TCF4: variants seen among roughly 807,000 people sequenced by gnomAD.
The protein encoded by TCF4 is SL3-3 enhancer factor 2.
In TCF4, 3 loss-of-function variants were observed where a neutral mutation model predicts 82.1. The ratio of observed to expected loss-of-function variants is 0.04; its 90% CI spans 0.02 to 0.09. TCF4 has a LOEUF of 0.09. TCF4 is among the 10% of genes least tolerant of loss of function. TCF4 has a pLI of 1.00. For missense variants in TCF4, 518 were observed against 852.7 expected (o/e 0.61, Z 4.89); for synonymous variants, 276 against 309.6 (o/e 0.89, Z 1.14).
At chr18:55,286,098 A>G (rs546842564) in intron 8 of TCF4, among the ~76,000 whole-genome samples, 5 of 152,336 alleles carry the variant, frequency 3.3e-5, no homozygotes, top group South Asian at 2.1e-4. Context: ...TTAATCCGCA[A>G]TTTAGTCCTT....
intron 8 of TCF4, among the ~76,000 whole-genome samples, chr18:55,340,382 G>A (rs1266243847): frequency 6.6e-6 from 1 of 151,810 alleles, no homozygotes; most frequent in Non-Finnish European, 1.5e-5. Context: ...TGGGTTTGCA[G>A]AGCCTGGGAA....
chr18:55,465,181 G>T (rs2095985145), intron 3 of TCF4, among the ~76,000 whole-genome samples: 2 of 152,212 alleles, frequency 1.3e-5, no homozygotes, highest in African/African-American at 4.8e-5. Flanking sequence ...TGAAACTAAG[G>T]TTCAGGAGAC....
At position 55,254,504 on chromosome 18, in the gene TCF4, G is replaced by A; in HGVS notation, c.1343C>T (p.Ser448Leu). ...GTGLLSANRH[S>L]LMVGTHREDG... ...ATAAATTTCATCACTTACCATGAGT[G>A]AATGTCTGTTGGCTGAAAGAAGGCC... The change falls in exon 15 of 20, where the codon TCA (serine) becomes TTA (leucine). Residue 448 changes from serine to leucine, a missense_variant. Around this residue, in one of 7 missense-constraint regions of TCF4, gnomAD observed 144 missense variants for 190.2 expected, o/e 0.76. Transcript: ENST00000354452. The A allele has an allele frequency of 6.2e-7, 1 of 1,613,500 alleles. No homozygotes were observed. Among genetic ancestry groups the A allele is most frequent in the South Asian group, 1.1e-5 (1 of 91,062 alleles).
At chr18:55,490,550 A>G (rs1259735564) in intron 3 of TCF4, among the ~76,000 whole-genome samples, 1 of 152,206 alleles carries the variant, frequency 6.6e-6, no homozygotes, top group Non-Finnish European at 1.5e-5. Flanking sequence ...TTTATTATCA[A>G]CAACTGCTGA....
intron 8 of TCF4, among the ~76,000 whole-genome samples, chr18:55,282,050 C>T (rs1173586988): frequency 6.6e-6 from 1 of 151,986 alleles, no homozygotes; most frequent in Non-Finnish European, 1.5e-5. Flanking sequence ...ACAATTTCTA[C>T]ATATTTTATA....
chr18:55,455,823 G>A (rs1038081739), intron 5 of TCF4, among the ~76,000 whole-genome samples: 3 of 152,136 alleles, frequency 2.0e-5, no homozygotes, highest in Non-Finnish European at 2.9e-5. Flanking sequence ...CATCTCATTC[G>A]TGCTTTGAAA....
intron 3 of TCF4, among the ~76,000 whole-genome samples, chr18:55,569,181 G>A (rs1200172494): frequency 2.0e-5 from 3 of 148,152 alleles, no homozygotes; most frequent in Admixed American, 6.8e-5. Flanking sequence ...ATTTAACAGT[G>A]TACTTAAGGT....
At chr18:55,315,034 T>G (rs2073738482) in intron 8 of TCF4, among the ~76,000 whole-genome samples, 1 of 152,078 alleles carries the variant, frequency 6.6e-6, no homozygotes, top group African/African-American at 2.4e-5. Context: ...CTCCCCACTC[T>G]CTCCCACCAA....
At chr18:55,260,254 G>C (rs1256478924) in intron 12 of TCF4, among the ~76,000 whole-genome samples, 1 of 152,196 alleles carries the variant, frequency 6.6e-6, no homozygotes, top group Non-Finnish European at 1.5e-5. Flanking sequence ...AAAGAGCCAG[G>C]CTGGGGTCAG....
At chr18:55,478,870 G>A (rs1477390907) in intron 3 of TCF4, among the ~76,000 whole-genome samples, 1 of 127,746 alleles carries the variant, frequency 7.8e-6, no homozygotes, top group African/African-American at 2.9e-5. Context: ...CAAACTTTAA[G>A]GTGAAAATTA....
chr18:55,416,602 A>G (rs1199236778), intron 5 of TCF4, among the ~76,000 whole-genome samples: 1 of 152,234 alleles, frequency 6.6e-6, no homozygotes, highest in African/African-American at 2.4e-5. Flanking sequence ...AACTTGAGAG[A>G]ACTTAATTTA....
At chr18:55,488,777 T>C (rs1372349732) in intron 3 of TCF4, among the ~76,000 whole-genome samples, 1 of 152,196 alleles carries the variant, frequency 6.6e-6, no homozygotes, top group Admixed American at 6.5e-5. Context: ...TATTGTTCTC[T>C]TTTTTCTCTG....
At chr18:55,374,148 C>T (rs531414863) in intron 6 of TCF4, among the ~76,000 whole-genome samples, 1 of 151,744 alleles carries the variant, frequency 6.6e-6, no homozygotes, top group Non-Finnish European at 1.5e-5. Flanking sequence ...CTAAGGGATG[C>T]AGCCAAAGCT....
intron 5 of TCF4, among the ~76,000 whole-genome samples, chr18:55,456,212 G>C (rs2095750659): frequency 6.6e-6 from 1 of 152,226 alleles, no homozygotes; most frequent in South Asian, 2.1e-4. Flanking sequence ...ACCCAGATGA[G>C]ATTCAAAGGT....
intron 16 of TCF4, among the ~76,000 whole-genome samples, chr18:55,233,137 T>C (rs983134489): frequency 6.6e-6 from 1 of 152,250 alleles, no homozygotes; most frequent in African/African-American, 2.4e-5. Context: ...ATTAGGCTTC[T>C]CTTATTCTCA....
chr18:55,399,849 CCCCA>C (rs1377592300), intron 6 of TCF4, among the ~76,000 whole-genome samples: 24 of 131,894 alleles, frequency 1.8e-4, no homozygotes, highest in African/African-American at 3.4e-4. Flanking sequence ...CTCTCTCTCT[CCCCA>C]TCTCTCTCTC....
chr18:55,293,822 C>CAGGATTGT (rs2065707639), intron 8 of TCF4, among the ~76,000 whole-genome samples: 1 of 147,092 alleles, frequency 6.8e-6, no homozygotes, highest in Admixed American at 6.9e-5. Flanking sequence ...TAAGTCCAAA[C>CAGGATTGT]AGGATTGTGT....
intron 5 of TCF4, among the ~76,000 whole-genome samples, chr18:55,453,299 C>A (rs1345348804): frequency 1.3e-5 from 2 of 152,200 alleles, no homozygotes; most frequent in Non-Finnish European, 2.9e-5. Context: ...CCAGCCCTGA[C>A]ATCACTGAGC....
At chr18:55,571,050 A>G (rs1603623792) in intron 3 of TCF4, among the ~76,000 whole-genome samples, 2 of 152,266 alleles carry the variant, frequency 1.3e-5, no homozygotes, top group South Asian at 2.1e-4. Context: ...CTTTCATGTA[A>G]CTCTACAAAC....
Sources: allele counts gnomAD v4.1 joint callset (sites outside exome capture counted in the v4.1 genomes callset), GRCh38; gene constraint gnomAD v4.1.1; regional missense constraint gnomAD v4.1.1; transcripts MANE v1.5; gene names NCBI Gene and HGNC (gene_info 2026-07-23, HGNC 2026-07-21).